The following MYOM3 variants were observed in gnomAD, a reference collection of about 807,000 sequenced individuals.
The protein encoded by MYOM3 is myomesin-3.
A neutral mutation model predicts 191.7 loss-of-function variants in MYOM3; 155 were observed. The ratio of observed to expected loss-of-function variants is 0.81; its 90% CI spans 0.71 to 0.92. MYOM3 has a LOEUF of 0.92. MYOM3 is among the 40% of genes least tolerant of loss of function. The pLI is 0.00. For missense variants in MYOM3, 1,889 were observed against 1,890.6 expected (o/e 1.00, Z 0.02); for synonymous variants, 757 against 762.9 (o/e 0.99, Z 0.13).
intron 19 of MYOM3, 133 bp downstream of exon 19, chr1:24,081,197 C>T (rs1170734298): frequency 8.5e-7 from 1 of 1,183,238 alleles, no homozygotes; most frequent in Non-Finnish European, 1.2e-6. Context: ...TGTGCAAGGG[C>T]CAGGGGCCTG....
rs192299609 is a variant in MYOM3, at chr1:24,057,396, C to A, written c.4282G>T (p.Gly1428Trp). 6.2e-7 allele frequency: 1 copy of A among 1,613,992 alleles called. No homozygotes were observed. The highest frequency in any genetic ancestry group is 8.5e-7 in the Non-Finnish European group (1 of 1,180,040). ...GQVTISVFKH[G>W]DEPKELKSM Reference sequence around the variant, plus strand: ...CTCTTCAGCTCCTTGGGCTCGTCCCCGTGCTTGAACACACTGATGGTGACC... The same window carrying A: ...CTCTTCAGCTCCTTGGGCTCGTCCCAGTGCTTGAACACACTGATGGTGACC... Residue 1428 changes from glycine to tryptophan, a missense_variant, in exon 37 of 37, where the codon GGG becomes TGG. Gly to Trp is a radical substitution (Grantham distance 184, BLOSUM62 -2). Coordinates refer to ENST00000374434, the MANE Select transcript of MYOM3 (RefSeq NM_152372.4).
At chr1:24,077,169 A>G (rs1480839865) in intron 20 of MYOM3, among the ~76,000 whole-genome samples, 1 of 152,112 alleles carries the variant, frequency 6.6e-6, no homozygotes, top group Non-Finnish European at 1.5e-5. Flanking sequence ...GGTCCCGTCC[A>G]CGGTCGTGAT....
intron 15 of MYOM3, among the ~76,000 whole-genome samples, chr1:24,086,071 G>C (rs1643734393): frequency 6.6e-6 from 1 of 152,164 alleles, no homozygotes; most frequent in Non-Finnish European, 1.5e-5. Context: ...CTGGGAAGCT[G>C]GGGTCAGGAT....
At chr1:24,072,573 T>C (rs1643545347) in intron 23 of MYOM3, among the ~76,000 whole-genome samples, 1 of 152,130 alleles carries the variant, frequency 6.6e-6, no homozygotes, top group African/African-American at 2.4e-5. Flanking sequence ...TCACTCTTGT[T>C]GCCCAGGCTG....
In MYOM3 at chr1:24,091,012, C is replaced by T. The variant is rs759096155; in HGVS notation, c.1233-16G>A. 6.2e-7 allele frequency: 1 copy of T among 1,601,174 alleles called. No homozygotes were observed. Among genetic ancestry groups the T allele is most frequent in the Non-Finnish European group, 8.5e-7 (1 of 1,179,534 alleles). On this transcript the variant is annotated splice_polypyrimidine_tract_variant and intron_variant, in intron 11 of 36. Transcript: ENST00000374434. ...GCCCTGGCACCTGTTGGAGACAGGC[C>T]CCCCCTTTCAGCCCCTGCCCACAAT... is the stretch of plus-strand genomic sequence containing the variant.
chr1:24,093,731 C>T (rs1643864062), intron 9 of MYOM3, among the ~76,000 whole-genome samples: 1 of 151,466 alleles, frequency 6.6e-6, no homozygotes, highest in African/African-American at 2.4e-5. Context: ...TCAGCACCTC[C>T]ATTCTGGAAG....
intron 10 of MYOM3, 105 bp downstream of exon 10, chr1:24,092,842 G>A (rs1188935315): frequency 2.8e-5 from 32 of 1,137,988 alleles, no homozygotes; most frequent in Non-Finnish European, 3.7e-5. Context: ...GAGAAATTGA[G>A]GCCCCAAGAG....
rs144900862 is a variant in MYOM3 at position 24,102,464 on chromosome 1, C to A, written c.561-2689G>T. ...CTGGAGACCTCAACGCTCACCCCTC[C>A]CTCTCTCTGGGCCTTAGTGTCCGCC... On this transcript the variant is annotated intron_variant, in intron 5 of 36. Transcript: ENST00000374434. Among the ~76,000 whole-genome samples the A allele has an allele frequency of 2.0e-5, 3 of 152,290 alleles. No individual in the cohort carries two copies. In the South Asian group the frequency reaches 6.2e-4, roughly 32 times the overall value.
intron 16 of MYOM3, 85 bp downstream of exon 16, chr1:24,084,383 C>T (rs757520632): frequency 1.3e-6 from 2 of 1,488,192 alleles, no homozygotes; most frequent in East Asian, 2.3e-5. Flanking sequence ...GATTAAACCT[C>T]TTTTCTTTAT....
chr1:24,107,905 T>A (rs1278119256), intron 3 of MYOM3, 88 bp downstream of exon 3: 1 of 1,168,182 alleles, frequency 8.6e-7, no homozygotes, highest in Non-Finnish European at 1.2e-6. Flanking sequence ...TTCTTTACAC[T>A]CGGGGTGAAA....
chr1:24,059,072 G>T (rs1643337469), intron 35 of MYOM3, 93 bp from the exon 36 acceptor site: 3 of 814,506 alleles, frequency 3.7e-6, no homozygotes, highest in Non-Finnish European at 6.0e-6. Context: ...TTTAAGCAAG[G>T]CTTCTTTTTT....
At chr1:24,075,076 A>AAAAAG (rs66516438) in intron 22 of MYOM3, among the ~76,000 whole-genome samples, 2,510 of 150,512 alleles carry the variant, frequency 0.017, 31 homozygotes, top group East Asian at 0.048. Flanking sequence ...CCTGTCTCAA[A>AAAAAG]AAAAGAAAAG....
chr1:24,104,585 C>T (rs1271408970), intron 5 of MYOM3, among the ~76,000 whole-genome samples: 2 of 152,192 alleles, frequency 1.3e-5, no homozygotes, highest in Admixed American at 1.3e-4. Context: ...AAGCGATTCT[C>T]TTGTCTCAGC....
chr1:24,075,539 C>A, intron 21 of MYOM3, 64 bp from the exon 22 acceptor site: 2 of 1,479,824 alleles, frequency 1.4e-6, no homozygotes, highest in Non-Finnish European at 1.8e-6. Flanking sequence ...TCACACCCCT[C>A]CCCTGCTTAA....
chr1:24,106,318 A>G (rs945830799), intron 4 of MYOM3, among the ~76,000 whole-genome samples: 5 of 152,182 alleles, frequency 3.3e-5, no homozygotes, highest in Admixed American at 1.3e-4. Context: ...CAGTGTCCTT[A>G]TTGGTAAAAT....
chr1:24,078,098 C>T (rs1183024426), intron 20 of MYOM3, among the ~76,000 whole-genome samples: 1 of 151,792 alleles, frequency 6.6e-6, no homozygotes. Flanking sequence ...CCAGAATGGA[C>T]CATTTAGTAA....
At position 24,108,012 on chromosome 1, in the gene MYOM3, C is replaced by A. The variant is rs373844251; in HGVS notation, c.223G>T (p.Ala75Ser). The change falls in exon 3 of 37, where the codon GCC becomes TCC. Residue 75 changes from alanine (A) to serine (S), a missense_variant. Ala to Ser is a moderately conservative substitution (Grantham distance 99). Coordinates refer to ENST00000374434, the MANE Select transcript of MYOM3 (RefSeq NM_152372.4). ...YALAAALALTASSELSWEAQL... is the reference protein window; with the variant it reads ...YALAAALALTSSSELSWEAQL... ...ACTCACCAAGACAGCTCGGAGGAGG[C>A]CGTCAGAGCCAGGGCTGCTGCCAGG... 15 of 1,613,640 alleles carry A rather than the reference C, an allele frequency of 9.3e-6. No homozygotes were observed. The highest frequency in any genetic ancestry group is 1.3e-5 in the Non-Finnish European group (15 of 1,179,792).
chr1:24,060,890 G>A (rs926534173), intron 35 of MYOM3, among the ~76,000 whole-genome samples, 170 bp downstream of exon 35: 8 of 152,006 alleles, frequency 5.3e-5, no homozygotes, highest in Non-Finnish European at 5.9e-5. Context: ...AGGTGTCCTC[G>A]GATTCTGTCT....
At chr1:24,064,227 G>A (rs41268127) in intron 29 of MYOM3, 68 bp from the exon 30 acceptor site, 154,982 of 1,308,628 alleles carry the variant, frequency 0.12, 10,569 homozygotes, top group East Asian at 0.31. Context: ...TACCAAATCC[G>A]GAGGCCTGGG....
Sources: gnomAD v4.1 joint callset for allele counts (sites outside exome capture counted in the v4.1 genomes callset) on GRCh38, gnomAD v4.1.1 for gene constraint, MANE v1.5 for transcripts, NCBI Gene and HGNC (gene_info 2026-07-23, HGNC 2026-07-21) for gene names.